The following PTPRG variants were observed in gnomAD, a reference collection of about 807,000 sequenced individuals.
PTPRG encodes protein tyrosine phosphatase receptor type G.
A neutral mutation model predicts 165.3 loss-of-function variants in PTPRG; 102 were observed. That is an observed-to-expected ratio of 0.62 (90% CI 0.53 to 0.73). PTPRG has a LOEUF of 0.73. PTPRG is among the 30% of genes least tolerant of loss of function. The probability of loss-of-function intolerance (pLI) is 0.00; values close to 1 mark genes in which losing one functional copy is unlikely to be tolerated. For synonymous variants in PTPRG, 675 were observed against 669.5 expected (o/e 1.01, Z -0.13); for missense variants, 1,866 against 1,861.4 (o/e 1.00, Z -0.05).
chr3:61,704,582 C>G (rs2031151823), intron 1 of PTPRG, among the ~76,000 whole-genome samples: 1 of 151,550 alleles, frequency 6.6e-6, no homozygotes, highest in Admixed American at 6.6e-5. Flanking sequence ...CACCCCCCAC[C>G]CACCCCACCT....
rs1021964460 is a variant in PTPRG, at chr3:61,821,645, A to G, written c.190+72663A>G. ...AAGGCTAGGATGACCCTAAGCATAG[A>G]AGACAGAGGCAAAAGAAGAGGGGAA... On this transcript the variant is annotated intron_variant, in intron 2 of 29. Coordinates refer to ENST00000474889, the MANE Select transcript of PTPRG (RefSeq NM_002841.4). Among the ~76,000 whole-genome samples the G allele has an allele frequency of 3.3e-5, 5 of 152,228 alleles. No homozygotes were observed. In the South Asian group the frequency reaches 8.3e-4, roughly 25 times the overall value.
Position 62,243,843 on chromosome 3 carries a change from C to G in PTPRG, c.2412C>G (p.Asp804Glu), listed in dbSNP as rs1478203908. The G allele has an allele frequency of 2.1e-5, 33 of 1,596,656 alleles. No homozygotes were observed. Among genetic ancestry groups the G allele is most frequent in the Non-Finnish European group, 2.7e-5 (31 of 1,164,820 alleles). Residue 804 changes from aspartate to glutamate, a missense_variant, in exon 15 of 30, where the codon GAC becomes GAG. Transcript: ENST00000474889. ...CFQTAHFYVE[D>E]SSSPRVVPNE... ...AGACTGCTCATTTCTATGTGGAAGA[C>G]AGCAGTTCACCTCGAGTGGTCCCTA...
At position 62,064,675 on chromosome 3, in the gene PTPRG, C is replaced by A. The variant is rs193298503; in HGVS notation, c.520-13488C>A. 3.4e-3 allele frequency among the ~76,000 whole-genome samples: 503 copies of A among 146,050 alleles called. 1 individual carries two copies. The highest frequency in any genetic ancestry group is 6.5e-3 in the Non-Finnish European group (436 of 66,772). ...CTCCTTAAATAATAAAACAGGAAAT[C>A]ATTAGAAAAAACTAAGTAAAGATTC... On this transcript the variant is annotated intron_variant, in intron 4 of 29. Transcript: ENST00000474889.
At chr3:61,863,827 C>T (rs747841054) in intron 2 of PTPRG, among the ~76,000 whole-genome samples, 2 of 152,188 alleles carry the variant, frequency 1.3e-5, no homozygotes, top group Non-Finnish European at 2.9e-5. Flanking sequence ...CAACCTTTTC[C>T]CACTTTCCAT....
intron 1 of PTPRG, among the ~76,000 whole-genome samples, chr3:61,645,103 A>G (rs951508536): frequency 7.2e-5 from 11 of 152,224 alleles, no homozygotes; most frequent in African/African-American, 2.4e-4. Context: ...TAAAAATATA[A>G]TATAAAAGGT....
chr3:62,023,234 A>G (rs936262192), intron 4 of PTPRG, among the ~76,000 whole-genome samples: 1 of 152,198 alleles, frequency 6.6e-6, no homozygotes, highest in Non-Finnish European at 1.5e-5. Context: ...ATATTAATGA[A>G]CAGATATTGT....
chr3:62,151,402 G>A (rs115958490), intron 6 of PTPRG, among the ~76,000 whole-genome samples: 2,839 of 152,166 alleles, frequency 0.019, 53 homozygotes, highest in Non-Finnish European at 0.026. Context: ...GAAAGAAAGC[G>A]TTGGGTGAAA....
chr3:62,058,073 T>G (rs971597404), intron 4 of PTPRG, among the ~76,000 whole-genome samples: 1 of 152,210 alleles, frequency 6.6e-6, no homozygotes, highest in African/African-American at 2.4e-5. Flanking sequence ...GAGACCTCTT[T>G]GAAAACACAG....
At chr3:61,926,710 T>G (rs1183982029) in intron 2 of PTPRG, among the ~76,000 whole-genome samples, 1 of 151,604 alleles carries the variant, frequency 6.6e-6, no homozygotes, top group East Asian at 2.0e-4. Context: ...TGACTCCCAT[T>G]CATATAAATG....
intron 8 of PTPRG, among the ~76,000 whole-genome samples, chr3:62,188,714 G>T (rs1359174153): frequency 6.6e-6 from 1 of 152,192 alleles, no homozygotes; most frequent in African/African-American, 2.4e-5. Context: ...TGATGTAACT[G>T]TCAGAGAGGG....
Position 61,922,358 on chromosome 3 carries a change from C to A in PTPRG, c.191-67267C>A, listed in dbSNP as rs147446167. ...AAATGCTTGGCATGCAGGCTTCCTG[C>A]CTTCAAAAGATGTGCGCTCTGGTTG... On this transcript the variant is annotated intron_variant, in intron 2 of 29. Transcript: ENST00000474889. Among the ~76,000 whole-genome samples the A allele has an allele frequency of 3.3e-5, 5 of 152,352 alleles. No individual in the cohort carries two copies. In the East Asian group the frequency reaches 9.6e-4, roughly 29 times the overall value.
At chr3:61,955,558 T>C (rs1012024202) in intron 2 of PTPRG, among the ~76,000 whole-genome samples, 1 of 152,230 alleles carries the variant, frequency 6.6e-6, no homozygotes, top group Admixed American at 6.5e-5. Context: ...TTTATATGTA[T>C]GCTTGGATCC....
At chr3:62,064,557 C>T (rs1700940073) in intron 4 of PTPRG, among the ~76,000 whole-genome samples, 1 of 151,954 alleles carries the variant, frequency 6.6e-6, no homozygotes, top group Non-Finnish European at 1.5e-5. Flanking sequence ...TTTTTCTTCC[C>T]CTGATGCCAT....
At chr3:61,678,483 C>T (rs1396016447) in intron 1 of PTPRG, among the ~76,000 whole-genome samples, 1 of 152,096 alleles carries the variant, frequency 6.6e-6, no homozygotes, top group Non-Finnish European at 1.5e-5. Flanking sequence ...CTGATGGTAT[C>T]TCCCCACATT....
At chr3:61,805,339 T>G (rs1477497443) in intron 2 of PTPRG, among the ~76,000 whole-genome samples, 1 of 152,168 alleles carries the variant, frequency 6.6e-6, no homozygotes, top group Non-Finnish European at 1.5e-5. Flanking sequence ...TTGTTGATAG[T>G]GCCAAGGTTA....
At chr3:61,758,831 G>A (rs1408607971) in intron 2 of PTPRG, among the ~76,000 whole-genome samples, 2 of 151,998 alleles carry the variant, frequency 1.3e-5, no homozygotes, top group Admixed American at 1.3e-4. Flanking sequence ...AACGTAAGGA[G>A]GACCCATTTC....
In PTPRG at chr3:61,925,485, TG is replaced by T. The variant is rs1403216708; in HGVS notation, c.191-64139del. Among the ~76,000 whole-genome samples the T allele has an allele frequency of 1.1e-4, 17 of 152,198 alleles. 1 individual carries two copies. Among genetic ancestry groups the T allele is most frequent in the Non-Finnish European group, 2.2e-4 (15 of 68,038 alleles). On this transcript the variant is annotated intron_variant, in intron 2 of 29. Coordinates refer to ENST00000474889, the MANE Select transcript of PTPRG (RefSeq NM_002841.4). Reference sequence around the variant, plus strand: ...AGGGCTGGGTGCAGTGGCTCACACTTGTAATGCCAGCACTTTGGGAGGCTGA... The same window carrying T: ...AGGGCTGGGTGCAGTGGCTCACACTTTAATGCCAGCACTTTGGGAGGCTGA...
At chr3:62,009,785 G>C (rs1204222921) in intron 4 of PTPRG, among the ~76,000 whole-genome samples, 1 of 152,184 alleles carries the variant, frequency 6.6e-6, no homozygotes, top group African/African-American at 2.4e-5. Flanking sequence ...GGACCAGCCT[G>C]TCTAGGGTTT....
At chr3:62,150,063 C>G (rs1042481623) in intron 6 of PTPRG, among the ~76,000 whole-genome samples, 1 of 152,178 alleles carries the variant, frequency 6.6e-6, no homozygotes, top group South Asian at 2.1e-4. Flanking sequence ...TCAAATGTTT[C>G]CTTCTCAGTG....
Sources: allele counts gnomAD v4.1 joint callset (sites outside exome capture counted in the v4.1 genomes callset), GRCh38; gene constraint gnomAD v4.1.1; transcripts MANE v1.5; gene names NCBI Gene and HGNC (gene_info 2026-07-23, HGNC 2026-07-21).